Variants in OSTN observed in about 807,000 individuals in gnomAD.
The protein encoded by OSTN is osteocrin.
In OSTN, 9 loss-of-function variants were observed where a neutral mutation model predicts 12.0. That is an observed-to-expected ratio of 0.75 (90% CI 0.45 to 1.30). OSTN has a LOEUF of 1.30. OSTN is among the 50% of genes most tolerant of loss of function. The probability of loss-of-function intolerance (pLI) is 0.00; values close to 1 mark genes in which losing one functional copy is unlikely to be tolerated. For synonymous variants in OSTN, 59 were observed against 56.9 expected (o/e 1.04, Z -0.16); for missense variants, 148 against 152.3 (o/e 0.97, Z 0.15).
At chr3:191,224,099 C>T (rs940398015) in intron 3 of OSTN, among the ~76,000 whole-genome samples, 13 of 151,960 alleles carry the variant, frequency 8.6e-5, no homozygotes, top group African/African-American at 1.9e-4. Flanking sequence ...TTAATAAGGC[C>T]GGGCACCATG....
In OSTN at chr3:191,263,580, T is replaced by C. The variant is rs1715857006; in HGVS notation, c.*727T>C. 6.6e-6 allele frequency: 1 copy of C among 152,108 alleles called. No homozygotes were observed. The highest frequency in any genetic ancestry group is 1.5e-5 in the Non-Finnish European group (1 of 68,026). The allele number at this position is 152,108 out of a possible 1,614,324, so 9.4% of individuals were successfully genotyped here. ...GCTCACACAGAGGTAAAAATGAAAGTAGGAGGGAAGTCAAAGAATTACCAC... is the reference window on the plus strand; with the variant it reads ...GCTCACACAGAGGTAAAAATGAAAGCAGGAGGGAAGTCAAAGAATTACCAC... On this transcript the variant is annotated 3_prime_UTR_variant, in exon 5 of 5. Transcript: ENST00000682035.
intron 4 of OSTN, among the ~76,000 whole-genome samples, chr3:191,252,612 G>A (rs755183901): frequency 2.6e-5 from 4 of 152,046 alleles, no homozygotes; most frequent in Non-Finnish European, 2.9e-5. Flanking sequence ...GCTCTTTCCC[G>A]TTCATCAGTC....
intron 3 of OSTN, among the ~76,000 whole-genome samples, chr3:191,233,066 T>C (rs1019677257): frequency 1.3e-5 from 2 of 152,032 alleles, no homozygotes; most frequent in African/African-American, 4.8e-5. Flanking sequence ...TAATTCTATA[T>C]TACTATAAAA....
intron 1 of OSTN, 29 bp downstream of exon 1, chr3:191,199,336 T>G (rs139847667): frequency 1.3e-3 from 195 of 152,248 alleles, no homozygotes; most frequent in African/African-American, 4.6e-3. Context: ...TTGATAAAGA[T>G]TTAATGCTTC....
At position 191,199,304 on chromosome 3, in the gene OSTN, C is replaced by T. The variant is rs1714101471; in HGVS notation, c.-4C>T. 6.6e-6 allele frequency: 1 copy of T among 152,026 alleles called. No homozygotes were observed. The highest frequency in any genetic ancestry group is 2.4e-5 in the African/African-American group (1 of 41,414). The allele number at this position is 152,026 out of a possible 1,614,324, so 9.4% of individuals were successfully genotyped here. On this transcript the variant is annotated 5_prime_UTR_variant, in exon 1 of 5. The change creates a new upstream start codon in the 5' untranslated region. Transcript: ENST00000682035. ...AAAGTTAGAATCTCCTGATCTTTCA[C>T]GAGGTAAGTTATATGTAAAAATTGA... is the stretch of plus-strand genomic sequence containing the variant.
At chr3:191,224,486 A>C (rs1174104059) in intron 3 of OSTN, among the ~76,000 whole-genome samples, 1 of 152,124 alleles carries the variant, frequency 6.6e-6, no homozygotes, top group African/African-American at 2.4e-5. Flanking sequence ...ACACAACATA[A>C]CTCATAAAAT....
chr3:191,228,510 G>A (rs1451318158), intron 3 of OSTN, among the ~76,000 whole-genome samples: 1 of 152,160 alleles, frequency 6.6e-6, no homozygotes, highest in Non-Finnish European at 1.5e-5. Context: ...TTTGGTAGGA[G>A]TGCAGTATTA....
intron 2 of OSTN, 64 bp from the exon 3 acceptor site, chr3:191,218,683 G>T: frequency 7.6e-7 from 1 of 1,320,252 alleles, no homozygotes. Flanking sequence ...AAAGCCAGAT[G>T]CATATGTACA....
chr3:191,212,763 A>G (rs1343771751), intron 2 of OSTN, 129 bp downstream of exon 2: 3 of 161,530 alleles, frequency 1.9e-5, no homozygotes, highest in African/African-American at 1.1e-4. Flanking sequence ...ATATTTATAT[A>G]TCATATCATA....
intron 3 of OSTN, among the ~76,000 whole-genome samples, chr3:191,219,949 C>T (rs972670081): frequency 8.5e-5 from 13 of 152,160 alleles, no homozygotes; most frequent in East Asian, 3.8e-4. Context: ...TTATCACCAA[C>T]GTATCCTGTA....
At chr3:191,215,415 T>A (rs1469050395) in intron 2 of OSTN, among the ~76,000 whole-genome samples, 1 of 152,168 alleles carries the variant, frequency 6.6e-6, no homozygotes, top group African/African-American at 2.4e-5. Context: ...AACACAATCA[T>A]GCCTTCCCAA....
At chr3:191,219,412 C>T (rs1272441839) in intron 3 of OSTN, among the ~76,000 whole-genome samples, 1 of 152,118 alleles carries the variant, frequency 6.6e-6, no homozygotes, top group Non-Finnish European at 1.5e-5. Context: ...GGAGTCAGAA[C>T]GCATGTGTTT....
chr3:191,204,379 A>T (rs1435241898), intron 1 of OSTN, among the ~76,000 whole-genome samples: 1 of 152,208 alleles, frequency 6.6e-6, no homozygotes, highest in African/African-American at 2.4e-5. Flanking sequence ...TTTTATGAGG[A>T]TAATATAGAT....
intron 2 of OSTN, among the ~76,000 whole-genome samples, chr3:191,218,484 A>G (rs1714678577): frequency 6.6e-6 from 1 of 152,072 alleles, no homozygotes; most frequent in Non-Finnish European, 1.5e-5. Flanking sequence ...TTGGCCAGGC[A>G]TGATGGCAGG....
Position 191,245,438 on chromosome 3 carries a change from A to ATTATCT in OSTN, c.318-4599_318-4598insTTATCT, listed in dbSNP as rs1342399729. 3.9e-5 allele frequency among the ~76,000 whole-genome samples: 6 copies of ATTATCT among 152,252 alleles called. No individual in the cohort carries two copies. The East Asian group carries it at 7.7e-4, about 20-fold the overall frequency. ...TTTATCAAAAAGGAAAGAGTAGCTT[A>ATTATCT]GAATAAAAGACTTGCAGAGGGTCAT... On this transcript the variant is annotated intron_variant, in intron 3 of 4. Coordinates refer to ENST00000682035, the MANE Select transcript of OSTN (RefSeq NM_198184.2).
At chr3:191,237,651 T>C (rs1715227287) in intron 3 of OSTN, among the ~76,000 whole-genome samples, 1 of 152,200 alleles carries the variant, frequency 6.6e-6, no homozygotes, top group African/African-American at 2.4e-5. Context: ...TTTTGACCTC[T>C]TAAAGCGCAT....
At chr3:191,248,207 A>T (rs1715479184) in intron 3 of OSTN, among the ~76,000 whole-genome samples, 1 of 152,136 alleles carries the variant, frequency 6.6e-6, no homozygotes, top group Non-Finnish European at 1.5e-5. Flanking sequence ...GTCAAGGAAA[A>T]AAAATGACAT....
At chr3:191,245,182 G>A (rs1715401882) in intron 3 of OSTN, among the ~76,000 whole-genome samples, 1 of 152,168 alleles carries the variant, frequency 6.6e-6, no homozygotes, top group Non-Finnish European at 1.5e-5. Context: ...TGTATGAAAT[G>A]TTTTTACATG....
intron 3 of OSTN, among the ~76,000 whole-genome samples, chr3:191,227,676 G>A (rs1043727720): frequency 6.6e-6 from 1 of 152,182 alleles, no homozygotes. Context: ...CTGGGGGAAC[G>A]ACTGTTTTTC....
Sources: gnomAD v4.1 joint callset for allele counts (sites outside exome capture counted in the v4.1 genomes callset) on GRCh38, gnomAD v4.1.1 for gene constraint, MANE v1.5 for transcripts, NCBI Gene and HGNC (gene_info 2026-07-23, HGNC 2026-07-21) for gene names.